The following MACROD1 variants were observed in gnomAD, a reference collection of about 807,000 sequenced individuals.
MACROD1 encodes ADP-ribose glycohydrolase MACROD1.
MACROD1 carries 31 observed loss-of-function variants against 41.4 expected under a neutral mutation model. The observed-to-expected ratio is 0.75, with a 90% CI of 0.56 to 1.01. The LOEUF is 1.01. MACROD1 is among the 50% of genes least tolerant of loss of function. The pLI, the probability that MACROD1 is intolerant of heterozygous loss-of-function variation, is 0.00. For synonymous variants in MACROD1, 252 were observed against 203.4 expected (o/e 1.24, Z -2.03); for missense variants, 473 against 460.0 (o/e 1.03, Z -0.26).
rs1308232884 is a variant in MACROD1, at chr11:64,151,317, C to T, written c.439G>A (p.Asp147Asn). 3 of 1,613,934 alleles carry T rather than the reference C, an allele frequency of 1.9e-6. No individual in the cohort carries two copies. The highest frequency in any genetic ancestry group is 2.5e-6 in the Non-Finnish European group (3 of 1,180,032). The change falls in exon 3 of 11, where the codon GAC (aspartate) becomes AAC (asparagine). Residue 147 changes from aspartate to asparagine, a missense_variant. Physicochemically the swap from Asp to Asn is conservative, Grantham distance 23 (BLOSUM62 1). Transcript: ENST00000255681. Reference sequence around the variant, plus strand: ...GAGATTTTCTCATTGAGCTGCTTGTCCTTTTTATACCTGGGCTCCTCCACC... The same window carrying T: ...GAGATTTTCTCATTGAGCTGCTTGTTCTTTTTATACCTGGGCTCCTCCACC... ...VKVEEPRYKK[D>N]KQLNEKISLL... is the part of the protein sequence containing the mutation.
intron 4 of MACROD1, chr11:64,009,079 T>A (rs1942960794): frequency 6.6e-6 from 1 of 152,090 alleles, no homozygotes; most frequent in Non-Finnish European, 1.5e-5. Flanking sequence ...GAGGGGTAAT[T>A]GAAAAAGAGC....
At chr11:64,112,295 C>T (rs1418280944) in intron 3 of MACROD1, among the ~76,000 whole-genome samples, 2 of 152,098 alleles carry the variant, frequency 1.3e-5, no homozygotes, top group Non-Finnish European at 2.9e-5. Flanking sequence ...AGGTGGATCA[C>T]GAGGTCAAGA....
At chr11:64,085,889 G>C (rs1375566320) in intron 3 of MACROD1, among the ~76,000 whole-genome samples, 1 of 152,192 alleles carries the variant, frequency 6.6e-6, no homozygotes, top group African/African-American at 2.4e-5. Flanking sequence ...TGAGGAAAGG[G>C]GGCCCTTCTC....
intron 3 of MACROD1, among the ~76,000 whole-genome samples, chr11:64,121,684 T>C (rs1458710199): frequency 6.6e-6 from 1 of 152,212 alleles, no homozygotes; most frequent in Non-Finnish European, 1.5e-5. Context: ...AGGCCTGGGA[T>C]GCCAACCCCA....
intron 3 of MACROD1, among the ~76,000 whole-genome samples, chr11:64,123,362 TA>T (rs1945129373): frequency 6.6e-6 from 1 of 151,910 alleles, no homozygotes; most frequent in Non-Finnish European, 1.5e-5. Context: ...TAAGGAGGGA[TA>T]AAAAGGCTCA....
Position 64,148,195 on chromosome 11 carries a change from G to A in MACROD1, c.517+3044C>T, listed in dbSNP as rs574103828. Among the ~76,000 whole-genome samples, 303 of 152,258 alleles carry A rather than the reference G, an allele frequency of 2.0e-3. 2 individuals carry two copies. Among genetic ancestry groups the A allele is most frequent in the African/African-American group, 6.9e-3 (285 of 41,554 alleles). On this transcript the variant is annotated intron_variant, in intron 3 of 10. Coordinates refer to ENST00000255681, the MANE Select transcript of MACROD1 (RefSeq NM_014067.4). ...GTGGCAAGAGAGATGCCCACAGCCT[G>A]GCTGGAGACCCCTTCAACCCCACAG... is the stretch of plus-strand genomic sequence containing the variant.
intron 3 of MACROD1, among the ~76,000 whole-genome samples, chr11:64,062,619 A>C (rs1389887713): frequency 6.8e-6 from 1 of 146,522 alleles, no homozygotes; most frequent in African/African-American, 2.7e-5. Flanking sequence ...CTGGGGATGG[A>C]GCAGCAAAGG....
chr11:64,125,808 G>A (rs1362973285), intron 3 of MACROD1, among the ~76,000 whole-genome samples: 1 of 152,262 alleles, frequency 6.6e-6, no homozygotes, highest in Non-Finnish European at 1.5e-5. Context: ...CAGAGGCGCT[G>A]CAAGAAATCC....
intron 3 of MACROD1, among the ~76,000 whole-genome samples, chr11:64,027,779 C>T (rs1439832860): frequency 1.3e-5 from 2 of 152,194 alleles, no homozygotes; most frequent in Non-Finnish European, 2.9e-5. Flanking sequence ...AGGATCCTCC[C>T]GGGGCCCCCA....
chr11:64,081,087 T>C (rs1413895901), intron 3 of MACROD1, among the ~76,000 whole-genome samples: 1 of 152,198 alleles, frequency 6.6e-6, no homozygotes, highest in African/African-American at 2.4e-5. Context: ...AGTGGCATGA[T>C]CTCAGCTCAC....
chr11:64,069,784 C>CG (rs1168478745), intron 3 of MACROD1, among the ~76,000 whole-genome samples: 3 of 152,196 alleles, frequency 2.0e-5, no homozygotes, highest in Non-Finnish European at 2.9e-5. Flanking sequence ...CGCACGCTGC[C>CG]GGCCACTGCA....
At chr11:64,030,759 G>C (rs1353248667) in intron 3 of MACROD1, among the ~76,000 whole-genome samples, 1 of 152,076 alleles carries the variant, frequency 6.6e-6, no homozygotes, top group Non-Finnish European at 1.5e-5. Context: ...AATCGGGAAG[G>C]TGGGGTTAGA....
At chr11:64,086,697 G>C (rs905491054) in intron 3 of MACROD1, among the ~76,000 whole-genome samples, 2 of 152,190 alleles carry the variant, frequency 1.3e-5, no homozygotes, top group African/African-American at 2.4e-5. Context: ...AAGACAGAGA[G>C]GGGGAGAAGG....
intron 3 of MACROD1, among the ~76,000 whole-genome samples, chr11:64,044,251 C>CTTTTT (rs34174027): frequency 2.8e-5 from 4 of 140,414 alleles, no homozygotes; most frequent in Admixed American, 1.4e-4. Context: ...CCCCCAACAA[C>CTTTTT]TTTTTTTTTT....
At chr11:64,150,165 G>A (rs372341788) in intron 3 of MACROD1, among the ~76,000 whole-genome samples, 6 of 152,344 alleles carry the variant, frequency 3.9e-5, no homozygotes, top group African/African-American at 7.2e-5. Context: ...CAGACCCCAC[G>A]GACCAGGCCC....
At chr11:64,130,875 T>C (rs983182073) in intron 3 of MACROD1, among the ~76,000 whole-genome samples, 2 of 152,210 alleles carry the variant, frequency 1.3e-5, no homozygotes, top group African/African-American at 2.4e-5. Context: ...CCCTCTAAGA[T>C]TTACAGGGGA....
At chr11:64,015,359 G>T in intron 3 of MACROD1, 78 bp from the exon 4 acceptor site, 1 of 1,402,246 alleles carries the variant, frequency 7.1e-7, no homozygotes, top group Non-Finnish European at 9.8e-7. Flanking sequence ...GGAGGGTGAT[G>T]TCAAGATGGG....
At chr11:64,073,248 A>C (rs1944141370) in intron 3 of MACROD1, among the ~76,000 whole-genome samples, 1 of 152,104 alleles carries the variant, frequency 6.6e-6, no homozygotes, top group Non-Finnish European at 1.5e-5. Context: ...ACTTCTGGGT[A>C]CCCGCTCTGT....
At chr11:64,106,744 C>T (rs1289699469) in intron 3 of MACROD1, among the ~76,000 whole-genome samples, 2 of 152,200 alleles carry the variant, frequency 1.3e-5, no homozygotes, top group Admixed American at 6.5e-5. Flanking sequence ...GTGCAGAGCC[C>T]GCAGCCTCAG....
Sources: gnomAD v4.1 joint callset for allele counts (sites outside exome capture counted in the v4.1 genomes callset) on GRCh38, gnomAD v4.1.1 for gene constraint, MANE v1.5 for transcripts, NCBI Gene and HGNC (gene_info 2026-07-23, HGNC 2026-07-21) for gene names.